KAZN: variants seen among roughly 807,000 people sequenced by gnomAD.
KAZN encodes the protein kazrin.
A neutral mutation model predicts 87.4 loss-of-function variants in KAZN; 40 were observed. The observed-to-expected ratio is 0.46, with a 90% CI of 0.36 to 0.60. KAZN has a LOEUF of 0.60. KAZN is among the 20% of genes least tolerant of loss of function. The pLI is 0.00. For synonymous variants in KAZN, 466 were observed against 458.3 expected (o/e 1.02, Z -0.22); for missense variants, 898 against 1,073.9 (o/e 0.84, Z 2.29).
At chr1:14,347,699 A>G (rs1658207417) in intron 2 of KAZN, among the ~76,000 whole-genome samples, 2 of 152,126 alleles carry the variant, frequency 1.3e-5, no homozygotes, top group South Asian at 4.2e-4. Flanking sequence ...TATATACATT[A>G]TATGTTGTAT....
At chr1:14,393,685 T>C (rs1571505905) in intron 2 of KAZN, among the ~76,000 whole-genome samples, 2 of 151,960 alleles carry the variant, frequency 1.3e-5, no homozygotes, top group South Asian at 4.2e-4. Context: ...CAGGATTATA[T>C]TGCTAGCATT....
At chr1:14,894,191 A>C (rs1572753983) in intron 1 of KAZN, among the ~76,000 whole-genome samples, 2 of 150,006 alleles carry the variant, frequency 1.3e-5, no homozygotes, top group Admixed American at 6.6e-5. Flanking sequence ...TCCCTAGCTC[A>C]CCCCCATCTC....
intron 1 of KAZN, among the ~76,000 whole-genome samples, chr1:14,860,997 G>A (rs2101020727): frequency 6.6e-6 from 1 of 152,302 alleles, no homozygotes; most frequent in Middle Eastern, 3.4e-3. Flanking sequence ...TGCATGTGAA[G>A]GAAGGGAAAG....
intron 2 of KAZN, among the ~76,000 whole-genome samples, chr1:14,460,944 T>A (rs1667819447): frequency 6.6e-6 from 1 of 152,178 alleles, no homozygotes; most frequent in Non-Finnish European, 1.5e-5. Context: ...CCTGAGCCCA[T>A]GCAGCATGCT....
chr1:14,448,843 GACATTCAC>G (rs1373290448), intron 2 of KAZN, among the ~76,000 whole-genome samples: 1 of 152,198 alleles, frequency 6.6e-6, no homozygotes, highest in Admixed American at 6.5e-5. Flanking sequence ...CAACCCCCAT[GACATTCAC>G]ACGTGACTGA....
In KAZN at chr1:14,598,937, G is replaced by A. The variant is rs1676714159; in HGVS notation, c.-61G>A. The A allele has an allele frequency of 6.4e-6, 10 of 1,554,594 alleles. No individual in the cohort carries two copies. Among genetic ancestry groups the A allele is most frequent in the Non-Finnish European group, 8.7e-6 (10 of 1,155,042 alleles). On this transcript the variant is annotated 5_prime_UTR_variant, in exon 1 of 15. Transcript: ENST00000376030. This position sits in a 1 kb window ranked among gnomAD's most constrained non-coding sequence, Gnocchi z 4.2. ...TAGAGCCGGGGGTGCCCGGCCGCGC[G>A]CCCCCCGCGCATCATGCAGCTCTTT...
At chr1:14,718,327 C>A (rs192002699) in intron 1 of KAZN, among the ~76,000 whole-genome samples, 3 of 152,186 alleles carry the variant, frequency 2.0e-5, no homozygotes, top group Admixed American at 6.5e-5. Flanking sequence ...GGTGTGCCCT[C>A]GGGACTCCAC....
At chr1:14,081,096 C>T (rs1337297117) in intron 1 of KAZN, among the ~76,000 whole-genome samples, 2 of 151,168 alleles carry the variant, frequency 1.3e-5, no homozygotes. Context: ...TATGGACACA[C>T]ATGGTGTTGG....
intron 1 of KAZN, among the ~76,000 whole-genome samples, chr1:14,761,439 T>C (rs1228934823): frequency 1.3e-5 from 2 of 152,182 alleles, no homozygotes; most frequent in Non-Finnish European, 2.9e-5. Flanking sequence ...GCTTCAACAC[T>C]GATTCAGCAT....
intron 1 of KAZN, among the ~76,000 whole-genome samples, chr1:13,994,185 G>A (rs1186371834): frequency 4.6e-5 from 7 of 152,110 alleles, no homozygotes; most frequent in Admixed American, 4.6e-4. Context: ...TCTGACCCAG[G>A]GCATGGCATT....
chr1:14,177,349 G>A (rs948675042), intron 1 of KAZN, among the ~76,000 whole-genome samples: 1 of 152,062 alleles, frequency 6.6e-6, no homozygotes, highest in Non-Finnish European at 1.5e-5. Flanking sequence ...ATTTCCCTTT[G>A]CAAGCATTCT....
intron 2 of KAZN, among the ~76,000 whole-genome samples, chr1:14,385,901 T>C (rs1343173323): frequency 6.7e-6 from 1 of 148,362 alleles, no homozygotes; most frequent in Non-Finnish European, 1.5e-5. Context: ...CTGTCTGATG[T>C]TGACAGTGGG....
chr1:13,996,600 C>G (rs1639529522), intron 1 of KAZN, among the ~76,000 whole-genome samples: 1 of 152,230 alleles, frequency 6.6e-6, no homozygotes, highest in South Asian at 2.1e-4. Context: ...GCCAGAGTGC[C>G]TCTTCAGGCC....
In KAZN at chr1:14,246,182, T is replaced by C. The variant is rs111540295; in HGVS notation, c.249+65590T>C. Among the ~76,000 whole-genome samples, 513 of 152,160 alleles carry C rather than the reference T, an allele frequency of 3.4e-3. 2 individuals carry two copies. Among genetic ancestry groups the C allele is most frequent in the African/African-American group, 0.012 (479 of 41,524 alleles). On this transcript the variant is annotated intron_variant, in intron 2 of 16. Coordinates refer to the KAZN transcript ENST00000636203. The stretch of plus-strand genomic sequence containing the variant: ...ACACTGGGTCCTGTTGGGGGAGATG[T>C]TGGGGATGGGAGGAGCATCAGGAAA...
At chr1:14,064,380 A>T (rs985203922) in intron 1 of KAZN, among the ~76,000 whole-genome samples, 4 of 152,178 alleles carry the variant, frequency 2.6e-5, no homozygotes, top group African/African-American at 9.6e-5. Context: ...GGCACGGTCA[A>T]CCGGTGTCTA....
At chr1:15,055,350 GC>G (rs892453807) in intron 4 of KAZN, among the ~76,000 whole-genome samples, 12 of 152,290 alleles carry the variant, frequency 7.9e-5, no homozygotes, top group Non-Finnish European at 1.3e-4. Flanking sequence ...GGTGGCACAT[GC>G]CTGTAATCCT....
intron 1 of KAZN, among the ~76,000 whole-genome samples, chr1:14,882,296 G>A (rs1308241459): frequency 6.6e-6 from 1 of 152,232 alleles, no homozygotes; most frequent in East Asian, 1.9e-4. Context: ...AGAAGAAGCT[G>A]AAGTTTTGCT....
chr1:14,613,421 A>G (rs1320660349), intron 1 of KAZN, among the ~76,000 whole-genome samples: 2 of 152,228 alleles, frequency 1.3e-5, no homozygotes, highest in African/African-American at 2.4e-5. Flanking sequence ...CAAGATGGCT[A>G]TTCCATACCA....
At chr1:14,846,344 C>A (rs74059610) in intron 1 of KAZN, among the ~76,000 whole-genome samples, 4 of 151,860 alleles carry the variant, frequency 2.6e-5, no homozygotes, top group African/African-American at 9.7e-5. Flanking sequence ...TGAGATCAAG[C>A]GATCTAGGTA....
Sources: gnomAD v4.1 joint callset for allele counts (sites outside exome capture counted in the v4.1 genomes callset) on GRCh38, gnomAD v4.1.1 for gene constraint, Gnocchi (gnomAD v3.1) non-coding constraint, MANE v1.5 for transcripts, NCBI Gene and HGNC (gene_info 2026-07-23, HGNC 2026-07-21) for gene names.